TENM2: variants seen among roughly 807,000 people sequenced by gnomAD.
TENM2 encodes teneurin-2.
A neutral mutation model predicts 245.2 loss-of-function variants in TENM2; 52 were observed. The observed-to-expected ratio is 0.21, with a 90% confidence interval of 0.17 to 0.27. The LOEUF (loss-of-function observed/expected upper bound fraction) is 0.27, where lower values mean the gene tolerates loss of function less well. TENM2 is among the 10% of genes least tolerant of loss of function. The probability of loss-of-function intolerance (pLI) is 1.00; values close to 1 mark genes in which losing one functional copy is unlikely to be tolerated. For missense variants in TENM2, 3,046 were observed against 3,666.8 expected, an observed-to-expected ratio of 0.83 and a Z score of 4.37; for synonymous variants, 1,363 against 1,438.9, an observed-to-expected ratio of 0.95 and a Z score of 1.19.
chr5:167,267,986 C>A, the TENM2 span, among the ~76,000 whole-genome samples: 5 of 152,144 alleles, frequency 3.3e-5, no homozygotes, highest in African/African-American at 1.2e-4. Flanking sequence ...ATTCTTACTC[C>A]TTACTTCTTG....
chr5:167,300,768 A>G lies in TENM2; in HGVS notation c.226+15705A>G, dbSNP rs184730469. Among the ~76,000 whole-genome samples the G allele has an allele frequency of 3.1e-3, 469 of 152,158 alleles. 3 individuals are homozygous for G. Among genetic ancestry groups the G allele is most frequent in the Middle Eastern group, 0.01 (3 of 294 alleles). On this transcript the variant is annotated intron_variant, in intron 1 of 28. Coordinates refer to ENST00000518659, the Ensembl canonical transcript of TENM2. ...GGGGAGATACAAGGGGAGGATATGA[A>G]GGAGGCTTTGAACTGAGGGAAAAGG...
intron 2 of TENM2, among the ~76,000 whole-genome samples, chr5:167,865,843 C>A (rs1210462028): frequency 1.3e-5 from 2 of 152,140 alleles, no homozygotes; most frequent in Non-Finnish European, 2.9e-5. Context: ...GAGAGACACC[C>A]AAAACCTAAG....
intron 2 of TENM2, among the ~76,000 whole-genome samples, chr5:167,550,933 T>A (rs1409944724): frequency 2.0e-5 from 3 of 152,066 alleles, no homozygotes; most frequent in African/African-American, 7.2e-5. Flanking sequence ...ATCACCATAT[T>A]GGCCATGCTG....
chr5:167,007,644 C>CA, the TENM2 span, among the ~76,000 whole-genome samples: 4 of 152,144 alleles, frequency 2.6e-5, no homozygotes, highest in East Asian at 5.8e-4. The surrounding 1 kb of genome is among the most constrained non-coding windows in gnomAD (Gnocchi z 4.2). Context: ...TAGCCTCCCA[C>CA]AAAAATTGAG....
intron 5 of TENM2, among the ~76,000 whole-genome samples, chr5:168,028,799 C>CAAAA (rs34319215): frequency 8.2e-6 from 1 of 122,118 alleles, no homozygotes; most frequent in Non-Finnish European, 1.8e-5. Context: ...TAGCAACTGT[C>CAAAA]AAAAAAAAAA....
the TENM2 span, among the ~76,000 whole-genome samples, chr5:167,059,996 C>A: frequency 6.6e-6 from 1 of 152,004 alleles, no homozygotes; most frequent in Admixed American, 6.5e-5. Context: ...AGCCACCGTG[C>A]CCAGCCAGAA....
chr5:167,095,162 G>C, the TENM2 span, among the ~76,000 whole-genome samples: 1 of 152,186 alleles, frequency 6.6e-6, no homozygotes, highest in East Asian at 1.9e-4. Flanking sequence ...GGAAGAGACT[G>C]ATAATGAGAA....
the TENM2 span, among the ~76,000 whole-genome samples, chr5:167,180,498 G>T: frequency 6.6e-6 from 1 of 152,120 alleles, no homozygotes; most frequent in African/African-American, 2.4e-5. Flanking sequence ...GCTGAGTTTT[G>T]CTGTCAGAAG....
At chr5:167,023,025 C>T in the TENM2 span, among the ~76,000 whole-genome samples, 2 of 152,170 alleles carry the variant, frequency 1.3e-5, no homozygotes, top group Non-Finnish European at 2.9e-5. Context: ...ACATTTTCTT[C>T]AGAGCTGTGG....
chr5:167,245,287 G>A, the TENM2 span, among the ~76,000 whole-genome samples: 2 of 152,236 alleles, frequency 1.3e-5, no homozygotes, highest in African/African-American at 2.4e-5. Context: ...AAGGGTGCAC[G>A]GTAGCTCTTC....
upstream of TENM2, chr5:167,284,691 C>A (rs2127708975): frequency 1.6e-6 from 1 of 639,900 alleles, no homozygotes. Context: ...TCGTCTGAGT[C>A]AGAGCATGAA....
chr5:167,738,902 C>T (rs750812023), intron 2 of TENM2, among the ~76,000 whole-genome samples: 1 of 152,148 alleles, frequency 6.6e-6, no homozygotes, highest in Non-Finnish European at 1.5e-5. Context: ...CTTTAAATGC[C>T]CTATCTCCAC....
chr5:168,220,833 C>T (rs1367380890), intron 23 of TENM2, among the ~76,000 whole-genome samples: 2 of 152,120 alleles, frequency 1.3e-5, no homozygotes, highest in African/African-American at 4.8e-5. Flanking sequence ...CTGTCCTGGT[C>T]GGGAGTGATG....
At chr5:167,368,806 C>G (rs1219654990) in intron 1 of TENM2, among the ~76,000 whole-genome samples, 1 of 152,092 alleles carries the variant, frequency 6.6e-6, no homozygotes, top group East Asian at 1.9e-4. Context: ...CCTACCCCCA[C>G]CCCAGGCCTC....
chr5:167,248,134 C>T, the TENM2 span, among the ~76,000 whole-genome samples: 1 of 152,124 alleles, frequency 6.6e-6, no homozygotes, highest in African/African-American at 2.4e-5. Context: ...TTTAAAATAG[C>T]ACCAGTGGCT....
At chr5:167,514,065 G>T (rs1036604353) in intron 2 of TENM2, among the ~76,000 whole-genome samples, 1 of 152,172 alleles carries the variant, frequency 6.6e-6, no homozygotes, top group East Asian at 1.9e-4. Context: ...TAGAAAGCAC[G>T]CAGTACAAAG....
chr5:167,944,804 A>T (rs900615903), intron 3 of TENM2, among the ~76,000 whole-genome samples: 2 of 152,238 alleles, frequency 1.3e-5, no homozygotes, highest in African/African-American at 2.4e-5. Context: ...ACTGAAATGT[A>T]TACTTTTAAA....
chr5:167,831,485 CTT>C (rs10667494), intron 2 of TENM2, among the ~76,000 whole-genome samples: 17,193 of 127,620 alleles, frequency 0.13, 1,944 homozygotes, highest in East Asian at 0.52. Flanking sequence ...GAGTTCAGCA[CTT>C]TTTTTTTTTT....
chr5:168,044,961 A>G (rs913220787), intron 5 of TENM2, among the ~76,000 whole-genome samples: 1 of 151,406 alleles, frequency 6.6e-6, no homozygotes. Context: ...ACAAAAACCT[A>G]TTTCAGACGC....
Sources: allele counts gnomAD v4.1 joint callset (sites outside exome capture counted in the v4.1 genomes callset), GRCh38; gene constraint gnomAD v4.1.1; non-coding constraint Gnocchi (gnomAD v3.1); transcripts MANE v1.5; gene names NCBI Gene and HGNC (gene_info 2026-07-23, HGNC 2026-07-21).